Variants in HIVEP1 observed in about 807,000 individuals in gnomAD.
HIVEP1 encodes HIVEP zinc finger 1.
Under a neutral mutation model 180.0 loss-of-function variants are expected in HIVEP1, and 36 were observed. The observed-to-expected ratio is 0.20, with a 90% CI of 0.15 to 0.26. The LOEUF (loss-of-function observed/expected upper bound fraction) is 0.26. Among genes scored for constraint, HIVEP1 ranks in the 10% least tolerant of loss-of-function variants. The pLI, the probability that HIVEP1 is intolerant of heterozygous loss-of-function variation, is 1.00. For missense variants in HIVEP1, 3,143 were observed against 3,268.7 expected (o/e 0.96, Z 0.94); for synonymous variants, 1,239 against 1,239.0 (o/e 1.00, Z 0.00).
chr6:12,033,389 G>C (rs1345849634), intron 2 of HIVEP1, among the ~76,000 whole-genome samples: 3 of 152,060 alleles, frequency 2.0e-5, no homozygotes, highest in Non-Finnish European at 4.4e-5. Flanking sequence ...ATGAGAGACA[G>C]TAGCATTGTT....
chr6:12,149,584 G>A (rs769613646), intron 7 of HIVEP1, among the ~76,000 whole-genome samples: 2 of 152,166 alleles, frequency 1.3e-5, no homozygotes, highest in Non-Finnish European at 2.9e-5. Context: ...AGCTCATAGC[G>A]TTCTGGAAAA....
downstream of HIVEP1, among the ~76,000 whole-genome samples, chr6:12,168,459 A>G (rs1284650101): frequency 1.3e-5 from 2 of 148,720 alleles, no homozygotes; most frequent in East Asian, 3.9e-4. Context: ...GGGGAAAAAA[A>G]GGAGAAAAGG....
intron 4 of HIVEP1, among the ~76,000 whole-genome samples, chr6:12,127,153 G>A (rs971302421): frequency 5.3e-5 from 8 of 151,602 alleles, no homozygotes; most frequent in African/African-American, 1.9e-4. Context: ...GAGCCACCGC[G>A]CCCAGCAAGA....
At chr6:12,072,085 CTTT>C (rs71830598) in intron 2 of HIVEP1, among the ~76,000 whole-genome samples, 1 of 146,684 alleles carries the variant, frequency 6.8e-6, no homozygotes, top group African/African-American at 2.5e-5. Flanking sequence ...TATTCTTCTT[CTTT>C]TTTTTTTTTT....
intron 2 of HIVEP1, among the ~76,000 whole-genome samples, chr6:12,034,299 T>G (rs759311942): frequency 6.6e-5 from 10 of 152,250 alleles, no homozygotes; most frequent in Non-Finnish European, 1.3e-4. Context: ...TGATTACTGT[T>G]TCTTAGGCTT....
chr6:12,127,799 CAGA>C (rs1173454548), intron 4 of HIVEP1, among the ~76,000 whole-genome samples: 2 of 152,126 alleles, frequency 1.3e-5, no homozygotes, highest in Non-Finnish European at 2.9e-5. Context: ...ACACAAAACA[CAGA>C]AGAAGATATT....
the HIVEP1 span, among the ~76,000 whole-genome samples, chr6:12,188,444 A>C: frequency 0.36 from 54,626 of 152,020 alleles, 10,871 homozygotes; most frequent in Non-Finnish European, 0.43. Context: ...AGGGGAAAAA[A>C]AGAGAAATGA....
Position 12,161,677 on chromosome 6 carries a change from C to T in HIVEP1, c.6726C>T (p.His2242=), listed in dbSNP as rs1760409600. 2 of 1,614,064 alleles carry T rather than the reference C, an allele frequency of 1.2e-6. No homozygotes were observed. Among genetic ancestry groups the T allele is most frequent in the South Asian group, 1.1e-5 (1 of 91,084 alleles). Residue 2242 remains histidine (H), a synonymous_variant, in exon 8 of 9, where the codon CAC becomes CAT. Transcript: ENST00000379388. ...VRITDCFSGV[H]TDPMDVLPRA... is the part of the protein sequence containing the mutation. ...TCACCGATTGCTTTTCTGGGGTACA[C>T]ACGGACCCAATGGACGTTCTGCCCA...
intron 2 of HIVEP1, among the ~76,000 whole-genome samples, chr6:12,026,138 A>G (rs573363023): frequency 1.3e-5 from 2 of 152,334 alleles, no homozygotes; most frequent in Non-Finnish European, 2.9e-5. Context: ...TAGACAAAAA[A>G]TCTTGTACCT....
chr6:12,130,618 T>G (rs1758365446), intron 5 of HIVEP1, 149 bp from the exon 6 acceptor site: 1 of 499,836 alleles, frequency 2.0e-6, no homozygotes. Context: ...TGTAAAAAGC[T>G]GGAATATTCT....
At chr6:12,070,362 A>G (rs1490511765) in intron 2 of HIVEP1, among the ~76,000 whole-genome samples, 2 of 152,158 alleles carry the variant, frequency 1.3e-5, no homozygotes, top group Non-Finnish European at 2.9e-5. Flanking sequence ...GTGTTGCATT[A>G]TGATGTAGAA....
chr6:12,111,479 G>A (rs1485734601), intron 3 of HIVEP1, among the ~76,000 whole-genome samples: 1 of 152,242 alleles, frequency 6.6e-6, no homozygotes, highest in Non-Finnish European at 1.5e-5. Context: ...CTGTCTTCTG[G>A]AGGCTCCAGG....
rs1758380551 is a variant in HIVEP1, at chr6:12,130,864, T to C, written c.6307T>C (p.Leu2103=). ...AATACGTTGTAAGAAACCTAGCATGTTAAAGAAACACATACGAACCCATAC... is the reference window on the plus strand; with the variant it reads ...AATACGTTGTAAGAAACCTAGCATGCTAAAGAAACACATACGAACCCATAC... The part of the protein sequence containing the change: ...CGIRCKKPSM[L]KKHIRTHTDV... The change falls in exon 6 of 9, where the codon TTA becomes CTA. Residue 2103 remains leucine, a synonymous_variant. Transcript: ENST00000379388. The C allele has an allele frequency of 6.2e-7, 1 of 1,613,166 alleles. No individual in the cohort carries two copies. Among genetic ancestry groups the C allele is most frequent in the African/African-American group, 1.3e-5 (1 of 74,892 alleles).
chr6:12,083,478 A>C (rs1772921882), intron 2 of HIVEP1, among the ~76,000 whole-genome samples: 1 of 152,146 alleles, frequency 6.6e-6, no homozygotes, highest in African/African-American at 2.4e-5. Context: ...GGAGTAAGAT[A>C]CAGTTTGATG....
At chr6:12,090,474 T>G (rs1043163806) in intron 3 of HIVEP1, among the ~76,000 whole-genome samples, 18 of 152,118 alleles carry the variant, frequency 1.2e-4, no homozygotes, top group African/African-American at 4.3e-4. Flanking sequence ...GGGGTTGGTC[T>G]TACATTTATG....
intron 2 of HIVEP1, among the ~76,000 whole-genome samples, chr6:12,037,185 G>C (rs954899136): frequency 2.0e-5 from 3 of 152,162 alleles, no homozygotes; most frequent in African/African-American, 7.2e-5. Flanking sequence ...GGTGTATATC[G>C]TATTTTGGTT....
chr6:12,022,234 G>T (rs533089070), intron 2 of HIVEP1, among the ~76,000 whole-genome samples: 1 of 151,018 alleles, frequency 6.6e-6, no homozygotes, highest in Non-Finnish European at 1.5e-5. Context: ...GCAGTGGCAC[G>T]ATCTTGGCTC....
intron 2 of HIVEP1, among the ~76,000 whole-genome samples, chr6:12,017,822 A>G (rs1221107963): frequency 2.0e-5 from 3 of 152,176 alleles, no homozygotes; most frequent in Non-Finnish European, 4.4e-5. Context: ...GCTAGACATA[A>G]AGTTTCTCCA....
rs1760636228 is a variant in HIVEP1, at chr6:12,164,580, A to G, written c.*119A>G. ...ACTCATGACTAATCTTTGTGCAATC[A>G]TGAACTTTTGACCAATAATTGTTGT... On this transcript the variant is annotated 3_prime_UTR_variant, in exon 9 of 9. Transcript: ENST00000379388. The G allele has an allele frequency of 2.5e-6, 2 of 805,964 alleles. No individual in the cohort carries two copies. The highest frequency in any genetic ancestry group is 1.9e-6 in the Non-Finnish European group (1 of 529,218). 49.9% of individuals were successfully genotyped at this position (805,964 alleles called of 1,614,324 possible).
Sources: allele counts gnomAD v4.1 joint callset (sites outside exome capture counted in the v4.1 genomes callset), GRCh38; gene constraint gnomAD v4.1.1; transcripts MANE v1.5; gene names NCBI Gene and HGNC (gene_info 2026-07-23, HGNC 2026-07-21).